The following EARS2 variants were observed in gnomAD, a reference collection of about 807,000 sequenced individuals.
EARS2 encodes nondiscriminating glutamyl-tRNA synthetase EARS2, mitochondrial.
Under a neutral mutation model 54.1 loss-of-function variants are expected in EARS2, and 50 were observed. The observed-to-expected ratio is 0.92, with a 90% CI of 0.74 to 1.17. The LOEUF (loss-of-function observed/expected upper bound fraction) is 1.17, where lower values mean the gene tolerates loss of function less well. Among genes scored for constraint, EARS2 ranks in the 50% most tolerant of loss-of-function variants. The pLI is 0.00. For synonymous variants in EARS2, 298 were observed against 281.0 expected (o/e 1.06, Z -0.61); for missense variants, 673 against 675.0 (o/e 1.00, Z 0.03).
At chr16:23,554,467 T>C (rs951183564) in intron 1 of EARS2, among the ~76,000 whole-genome samples, 4 of 152,140 alleles carry the variant, frequency 2.6e-5, no homozygotes, top group Non-Finnish European at 4.4e-5. Context: ...TTTTCCAGAG[T>C]TGTCATTACC....
intron 3 of EARS2, among the ~76,000 whole-genome samples, chr16:23,538,440 C>T (rs928708634): frequency 1.3e-5 from 2 of 151,962 alleles, no homozygotes; most frequent in Non-Finnish European, 2.9e-5. Context: ...TGCCTGGCTT[C>T]TAGTTGTATT....
At chr16:23,554,736 A>G (rs563964838) in intron 1 of EARS2, among the ~76,000 whole-genome samples, 1 of 152,338 alleles carries the variant, frequency 6.6e-6, no homozygotes, top group South Asian at 2.1e-4. Flanking sequence ...AGCCTCTTAC[A>G]TCAAGTACAC....
intron 1 of EARS2, 48 bp from the exon 2 acceptor site, chr16:23,552,352 G>T (rs370087350): frequency 2.5e-6 from 4 of 1,595,248 alleles, no homozygotes; most frequent in Non-Finnish European, 3.4e-6. Flanking sequence ...AAGCTAATAG[G>T]CCTCAGCAAG....
In EARS2 at chr16:23,535,111, C is replaced by T; in HGVS notation, c.735G>A (p.Leu245=). ...DDHHMGISHV[L]RGSEWLVSTA... ...TGGAGACGAGCCACTCAGAGCCTCG[C>T]AGCACGTGGCTGATGCCCATGTGGT... Residue 245 remains leucine, a synonymous_variant, in exon 4 of 9, where the codon CTG becomes CTA. Transcript: ENST00000449606. 6.2e-7 allele frequency: 1 copy of T among 1,611,162 alleles called. No homozygotes were observed.
At position 23,555,666 on chromosome 16, in the gene EARS2, GA is replaced by G. The variant is rs201399493; in HGVS notation, c.139+1538del. Among the ~76,000 whole-genome samples the G allele has an allele frequency of 8.3e-3, 1,257 of 152,340 alleles. 13 individuals carry two copies. Among genetic ancestry groups the G allele is most frequent in the Admixed American group, 0.014 (218 of 15,308 alleles). Reference sequence around the variant, plus strand: ...AGTTGTCAGTTCACAATCAAGTACAGAAACTGAGAGTAAAGGTTTAGAAACT... The same window carrying G: ...AGTTGTCAGTTCACAATCAAGTACAGAACTGAGAGTAAAGGTTTAGAAACT... On this transcript the variant is annotated intron_variant, in intron 1 of 8. Coordinates refer to ENST00000449606, the MANE Select transcript of EARS2 (RefSeq NM_001083614.2).
chr16:23,540,031 G>A (rs767152041), intron 3 of EARS2, among the ~76,000 whole-genome samples: 10 of 152,152 alleles, frequency 6.6e-5, no homozygotes, highest in Non-Finnish European at 1.2e-4. Context: ...GCACACACCT[G>A]TGGTTCCAGC....
chr16:23,550,514 T>C (rs1242694342), intron 2 of EARS2, among the ~76,000 whole-genome samples: 2 of 135,190 alleles, frequency 1.5e-5, no homozygotes, highest in Admixed American at 8.5e-5. Flanking sequence ...CTCGGCTCAC[T>C]GCAAGCTCCG....
At chr16:23,551,702 G>A (rs528459763) in intron 2 of EARS2, among the ~76,000 whole-genome samples, 22 of 152,072 alleles carry the variant, frequency 1.4e-4, no homozygotes, top group Non-Finnish European at 2.8e-4. Context: ...GGTGGATCAC[G>A]AGGTCAGGAG....
Position 23,542,316 on chromosome 16 carries a change from C to CTTTTTTTTTTTTT in EARS2, c.485+2185_485+2197dup, listed in dbSNP as rs745418385. Among the ~76,000 whole-genome samples, 37 of 93,698 alleles carry CTTTTTTTTTTTTT rather than the reference C, an allele frequency of 3.9e-4. 1 individual carries two copies. The highest frequency in any genetic ancestry group is 9.1e-4 in the African/African-American group (23 of 25,292). 61.5% of individuals were successfully genotyped at this position (93,698 alleles called of 152,430 possible). On this transcript the variant is annotated intron_variant, in intron 3 of 8. Transcript: ENST00000449606. ...GGCCCTTTGTGGACCTTTCATTTTT[C>CTTTTTTTTTTTTT]TTTTTTTTTTTTTTTTTTTTTGAGA... is the stretch of plus-strand genomic sequence containing the variant.
chr16:23,541,290 G>T (rs1346273440), intron 3 of EARS2, among the ~76,000 whole-genome samples: 1 of 152,170 alleles, frequency 6.6e-6, no homozygotes, highest in Admixed American at 6.5e-5. Context: ...TCTTGCCACT[G>T]CACTCCAGCC....
At chr16:23,549,998 C>T (rs908712190) in intron 2 of EARS2, among the ~76,000 whole-genome samples, 2 of 152,184 alleles carry the variant, frequency 1.3e-5, no homozygotes, top group South Asian at 2.1e-4. Context: ...AAGGGCATCC[C>T]TCGCCCTAGT....
chr16:23,532,072 C>T (rs1005956512), intron 5 of EARS2, among the ~76,000 whole-genome samples: 4 of 152,218 alleles, frequency 2.6e-5, no homozygotes, highest in African/African-American at 4.8e-5. Context: ...CTTGGCCTCT[C>T]AAAGTGCTAG....
intron 7 of EARS2, among the ~76,000 whole-genome samples, chr16:23,528,255 A>G (rs1367938417): frequency 1.3e-5 from 2 of 152,282 alleles, no homozygotes; most frequent in Non-Finnish European, 2.9e-5. Flanking sequence ...ACTGGGTCAC[A>G]TGAGTACTGC....
chr16:23,544,386 G>T, intron 3 of EARS2, 128 bp downstream of exon 3: 1 of 937,714 alleles, frequency 1.1e-6, no homozygotes, highest in Non-Finnish European at 1.6e-6. Context: ...AACAGGTGAG[G>T]CCACGCTCAG....
chr16:23,530,259 G>A (rs1292555502), intron 5 of EARS2, among the ~76,000 whole-genome samples: 1 of 151,960 alleles, frequency 6.6e-6, no homozygotes, highest in Admixed American at 6.6e-5. Flanking sequence ...CCAAGTAGCT[G>A]GGCCCACAGA....
intron 3 of EARS2, among the ~76,000 whole-genome samples, chr16:23,543,448 A>C (rs556607868): frequency 2.6e-5 from 4 of 151,476 alleles, no homozygotes; most frequent in African/African-American, 9.7e-5. Context: ...ACAAAAAAAA[A>C]ACCAAAAAAC....
intron 3 of EARS2, among the ~76,000 whole-genome samples, chr16:23,539,118 TG>T (rs978794010): frequency 6.6e-6 from 1 of 151,942 alleles, no homozygotes; most frequent in Non-Finnish European, 1.5e-5. Context: ...GCTGAGATTA[TG>T]GGCACACACC....
chr16:23,529,659 C>G, intron 6 of EARS2, 27 bp from the exon 7 acceptor site: 3 of 1,613,748 alleles, frequency 1.9e-6, no homozygotes, highest in Non-Finnish European at 8.5e-7. Flanking sequence ...TCATTGAATG[C>G]ACTAGGGACA....
intron 4 of EARS2, 137 bp from the exon 5 acceptor site, chr16:23,532,902 C>A (rs1279492679): frequency 3.7e-6 from 2 of 543,162 alleles, no homozygotes; most frequent in African/African-American, 3.8e-5. Flanking sequence ...CTCACTGTAA[C>A]CTCAAACTCC....
Sources: gnomAD v4.1 joint callset for allele counts (sites outside exome capture counted in the v4.1 genomes callset) on GRCh38, gnomAD v4.1.1 for gene constraint, MANE v1.5 for transcripts, NCBI Gene and HGNC (gene_info 2026-07-23, HGNC 2026-07-21) for gene names.